ANK3: variants seen among roughly 807,000 people sequenced by gnomAD.
The protein encoded by ANK3 is ankyrin-3.
A neutral mutation model predicts 370.9 loss-of-function variants in ANK3; 57 were observed. The ratio of observed to expected loss-of-function variants is 0.15; its 90% CI spans 0.12 to 0.19. ANK3 has a LOEUF of 0.19. Among genes scored for constraint, ANK3 ranks in the 10% least tolerant of loss-of-function variants. The probability of loss-of-function intolerance (pLI) is 1.00; values close to 1 mark genes in which losing one functional copy is unlikely to be tolerated. For missense variants in ANK3, 4,439 were observed against 5,302.1 expected (o/e 0.84, Z 5.06); for synonymous variants, 1,929 against 1,946.3 (o/e 0.99, Z 0.23).
Position 60,677,404 on chromosome 10 carries a change from A to G in ANK3, c.57+55859T>C, listed in dbSNP as rs1228776906. 2.0e-5 allele frequency among the ~76,000 whole-genome samples: 3 copies of G among 152,316 alleles called. No homozygotes were observed. In the East Asian group the frequency reaches 5.8e-4, roughly 29 times the overall value. On this transcript the variant is annotated intron_variant, in intron 1 of 43. Coordinates refer to the ANK3 transcript ENST00000373827. ...AATCAGTACATGCTACTGCCCAGAG[A>G]TATTAGTCTTACAATATATTATGTC...
chr10:60,075,613 G>A lies in ANK3; in HGVS notation c.5268C>T (p.Val1756=), dbSNP rs1454956889. The A allele has an allele frequency of 1.2e-6, 2 of 1,613,916 alleles. No individual in the cohort carries two copies. The highest frequency in any genetic ancestry group is 1.7e-6 in the Non-Finnish European group (2 of 1,180,000). The change falls in exon 37 of 44, where the codon GTC becomes GTT. Residue 1756 remains valine, a synonymous_variant. Transcript: ENST00000280772. ...TCTCAACTGTGTCAGTGGCTGCACT[G>A]ACCACAGAGCTCACAGAGTTTGTAG... The part of the protein sequence containing the change: ...SSATNSVSSV[V]SAATDTVEKV...
chr10:60,037,863 T>C (rs1012781159), intron 43 of ANK3, among the ~76,000 whole-genome samples: 1 of 152,220 alleles, frequency 6.6e-6, no homozygotes, highest in African/African-American at 2.4e-5. Context: ...CTTTGAGGAA[T>C]TGCCACACCA....
intron 2 of ANK3, among the ~76,000 whole-genome samples, chr10:60,531,335 C>G (rs1431623069): frequency 1.3e-5 from 2 of 151,888 alleles, no homozygotes; most frequent in Non-Finnish European, 2.9e-5. Flanking sequence ...ACAGGGAATG[C>G]TAGGATTTTA....
chr10:60,459,224 G>A (rs770159289), intron 2 of ANK3, among the ~76,000 whole-genome samples: 1 of 152,110 alleles, frequency 6.6e-6, no homozygotes, highest in African/African-American at 2.4e-5. Context: ...AAGTCTCTTG[G>A]TCTGAGGGTG....
chr10:60,601,697 A>AGT (rs1466708426), intron 2 of ANK3, among the ~76,000 whole-genome samples: 46 of 152,138 alleles, frequency 3.0e-4, no homozygotes, highest in Admixed American at 2.1e-3. Context: ...ATCTGAATAG[A>AGT]GTGTGGAGTT....
At chr10:60,502,460 T>C (rs1316369856) in intron 2 of ANK3, among the ~76,000 whole-genome samples, 1 of 152,214 alleles carries the variant, frequency 6.6e-6, no homozygotes, top group Non-Finnish European at 1.5e-5. Context: ...ACGAACTATA[T>C]AATCGTTGCC....
chr10:60,059,423 C>T lies in ANK3; in HGVS notation c.12603G>A (p.Gln4201=), dbSNP rs774518732. The T allele has an allele frequency of 9.9e-6, 16 of 1,613,732 alleles. No individual in the cohort carries two copies. The highest frequency in any genetic ancestry group is 1.4e-5 in the Non-Finnish European group (16 of 1,179,788). ...NVFHDPVDGW[Q]NETSSGNLES... ...CTAGGTTTCCACTTGATGTCTCATT[C>T]TGCCAACCTGTAATTGAAGACATTT... Residue 4201 remains glutamine, a synonymous_variant, in exon 41 of 44, where the codon CAG becomes CAA. Coordinates refer to ENST00000280772, the MANE Select transcript of ANK3 (RefSeq NM_020987.5).
At chr10:60,384,145 T>C (rs1482270586) in intron 1 of ANK3, among the ~76,000 whole-genome samples, 4 of 152,146 alleles carry the variant, frequency 2.6e-5, no homozygotes, top group Non-Finnish European at 4.4e-5. Context: ...AGGAAAGTCA[T>C]AGGGAAGAAA....
intron 2 of ANK3, among the ~76,000 whole-genome samples, chr10:60,515,093 G>A (rs1295058439): frequency 2.0e-5 from 3 of 152,120 alleles, no homozygotes; most frequent in Non-Finnish European, 4.4e-5. Flanking sequence ...GAATACTAGA[G>A]CTATACTATA....
At chr10:60,733,304 A>C in exon 1 of ANK3, 1 of 1,236,156 alleles carries the variant, frequency 8.1e-7, no homozygotes, top group Non-Finnish European at 1.0e-6. Flanking sequence ...GGAGAGGAGG[A>C]GGCGGAGGAG....
At chr10:60,113,108 G>A (rs565600275) in intron 26 of ANK3, among the ~76,000 whole-genome samples, 2 of 151,932 alleles carry the variant, frequency 1.3e-5, no homozygotes, top group Non-Finnish European at 2.9e-5. Flanking sequence ...CTCCTGCCTC[G>A]AATTCCATTG....
intron 1 of ANK3, among the ~76,000 whole-genome samples, chr10:60,642,943 A>G (rs2078656601): frequency 6.6e-6 from 1 of 152,194 alleles, no homozygotes; most frequent in African/African-American, 2.4e-5. Context: ...ATTAAAACAT[A>G]CACACACATA....
chr10:60,671,589 T>C (rs1161128738), intron 1 of ANK3, among the ~76,000 whole-genome samples: 1 of 152,254 alleles, frequency 6.6e-6, no homozygotes, highest in African/African-American at 2.4e-5. Flanking sequence ...GGCTGCAAGC[T>C]GCAAGGTAGG....
intron 1 of ANK3, among the ~76,000 whole-genome samples, chr10:60,289,547 GCAC>G (rs1178067341): frequency 6.6e-6 from 1 of 151,770 alleles, no homozygotes; most frequent in Non-Finnish European, 1.5e-5. Context: ...CAAGTAGTTG[GCAC>G]CACCACACCT....
At chr10:60,497,948 A>C (rs747653470) in intron 2 of ANK3, among the ~76,000 whole-genome samples, 1 of 152,202 alleles carries the variant, frequency 6.6e-6, no homozygotes, top group Non-Finnish European at 1.5e-5. Context: ...AGGAAAGGAA[A>C]GTATTTTTAG....
chr10:60,084,860 A>G (rs1242411907), intron 31 of ANK3, 30 bp from the exon 32 acceptor site: 1 of 1,474,828 alleles, frequency 6.8e-7, no homozygotes, highest in Admixed American at 2.4e-5. Context: ...GAAGTATGAA[A>G]ATGTGGCTAT....
intron 2 of ANK3, among the ~76,000 whole-genome samples, chr10:60,556,477 C>T (rs1204438941): frequency 6.6e-6 from 1 of 152,166 alleles, no homozygotes; most frequent in African/African-American, 2.4e-5. Flanking sequence ...TTTCACTTGT[C>T]TCCAGTGCTC....
intron 1 of ANK3, among the ~76,000 whole-genome samples, chr10:60,725,178 T>G (rs2079923794): frequency 1.3e-5 from 2 of 152,214 alleles, no homozygotes; most frequent in African/African-American, 4.8e-5. Context: ...CTCTTATCTT[T>G]TCACCAAGCA....
Position 60,067,928 on chromosome 10 carries a change from C to A in ANK3, c.12319+7G>T. On this transcript the variant is annotated splice_region_variant and intron_variant, in intron 38 of 43. Coordinates refer to ENST00000280772, the MANE Select transcript of ANK3 (RefSeq NM_020987.5). The stretch of plus-strand genomic sequence containing the variant: ...AATTTGTTCCATTCAGGAGTGTATG[C>A]ACTTACCTGTCCAACTAAGTCCCAG... 1 of 1,604,936 alleles carries A rather than the reference C, an allele frequency of 6.2e-7. No homozygotes were observed. Among genetic ancestry groups the A allele is most frequent in the Non-Finnish European group, 8.5e-7 (1 of 1,173,022 alleles).
Sources: gnomAD v4.1 joint callset for allele counts (sites outside exome capture counted in the v4.1 genomes callset) on GRCh38, gnomAD v4.1.1 for gene constraint, MANE v1.5 for transcripts, NCBI Gene and HGNC (gene_info 2026-07-23, HGNC 2026-07-21) for gene names.